The following ZNF654 variants were observed in gnomAD, a reference collection of about 807,000 sequenced individuals.
ZNF654 encodes the protein zinc finger protein 654.
In ZNF654, 19 loss-of-function variants were observed where a neutral mutation model predicts 95.3. The observed-to-expected ratio is 0.20, with a 90% confidence interval of 0.14 to 0.29. ZNF654 has a LOEUF of 0.29. ZNF654 is among the 10% of genes least tolerant of loss of function. The probability of loss-of-function intolerance (pLI) is 1.00; values close to 1 mark genes in which losing one functional copy is unlikely to be tolerated. For missense variants in ZNF654, 1,046 were observed against 1,341.0 expected (o/e 0.78, Z 3.44); for synonymous variants, 413 against 457.9 (o/e 0.90, Z 1.25).
intron 6 of ZNF654, 52 bp downstream of exon 6, chr3:88,129,878 G>C (rs1305140941): frequency 1.2e-5 from 16 of 1,320,894 alleles, no homozygotes; most frequent in Non-Finnish European, 1.3e-5. Flanking sequence ...CAACAGAAAG[G>C]AAATTGCAGT....
At chr3:88,085,141 T>G (rs1708274338) in intron 1 of ZNF654, among the ~76,000 whole-genome samples, 1 of 152,248 alleles carries the variant, frequency 6.6e-6, no homozygotes, top group Middle Eastern at 3.2e-3. Flanking sequence ...AAGTGATTAG[T>G]GTGAAAAGTC....
intron 3 of ZNF654, among the ~76,000 whole-genome samples, chr3:88,120,340 G>C (rs1181802453): frequency 1.3e-5 from 2 of 152,128 alleles, no homozygotes; most frequent in Non-Finnish European, 2.9e-5. Flanking sequence ...CAAAAGAACA[G>C]GTTTAAATGT....
intron 6 of ZNF654, among the ~76,000 whole-genome samples, chr3:88,130,792 C>CA (rs1356059490): frequency 1.3e-5 from 2 of 151,774 alleles, no homozygotes; most frequent in African/African-American, 2.4e-5. Context: ...TCTTCAAACT[C>CA]AGAGATAAGA....
At chr3:88,118,334 GCTCAACGCTAT>G (rs1705539284) in intron 3 of ZNF654, among the ~76,000 whole-genome samples, 1 of 150,576 alleles carries the variant, frequency 6.6e-6, no homozygotes, top group Admixed American at 6.6e-5. Context: ...CAAGCAGGAG[GCTCAACGCTAT>G]CTCACTGCGT....
intron 6 of ZNF654, among the ~76,000 whole-genome samples, chr3:88,131,324 A>G (rs1314321518): frequency 6.6e-6 from 1 of 152,212 alleles, no homozygotes; most frequent in Admixed American, 6.6e-5. Flanking sequence ...GTATAACTGT[A>G]GTTTTTGAAG....
rs527524200 is a variant in ZNF654 at position 88,141,787 on chromosome 3, A to G, written c.*135A>G. On this transcript the variant is annotated 3_prime_UTR_variant, in exon 9 of 9. Coordinates refer to ENST00000636215, the MANE Select transcript of ZNF654 (RefSeq NM_001350134.2). ...TCTTGGATTACTAAAGATAAAGACA[A>G]AGCACATTTTCTAGAATGAACTCAC... 1.7e-6 allele frequency: 1 copy of G among 605,060 alleles called. No individual in the cohort carries two copies. Among genetic ancestry groups the G allele is most frequent in the Non-Finnish European group, 2.6e-6 (1 of 380,996 alleles). 37.5% of individuals were successfully genotyped at this position (605,060 alleles called of 1,614,324 possible). A position where few individuals can be genotyped will look rare whatever the true frequency, so the allele number is the denominator to read the frequency against.
At position 88,142,476 on chromosome 3, in the gene ZNF654, A is replaced by T. The variant is rs115782430; in HGVS notation, c.*824A>T. On this transcript the variant is annotated 3_prime_UTR_variant, in exon 9 of 9. Coordinates refer to ENST00000636215, the MANE Select transcript of ZNF654 (RefSeq NM_001350134.2). ...ACTTTACAGGCTTTGTAGTTGAAGG[A>T]AAACACTGAATTGCAAATTATTCAA... The T allele has an allele frequency of 9.8e-5, 15 of 152,482 alleles. No homozygotes were observed. Among genetic ancestry groups the T allele is most frequent in the African/African-American group, 3.6e-4 (15 of 41,548 alleles). The allele number at this position is 152,482 out of a possible 1,614,324, so 9.4% of individuals were successfully genotyped here.
chr3:88,141,500 G>C, intron 8 of ZNF654, 145 bp from the exon 9 acceptor site: 1 of 533,092 alleles, frequency 1.9e-6, no homozygotes, highest in South Asian at 7.8e-5. Context: ...AAATAATTGA[G>C]AAACAAAATC....
At chr3:88,124,288 G>C (rs754273082) in intron 3 of ZNF654, among the ~76,000 whole-genome samples, 1 of 152,200 alleles carries the variant, frequency 6.6e-6, no homozygotes, top group Non-Finnish European at 1.5e-5. Context: ...GACTGATAGA[G>C]CAGAGAGGTT....
intron 2 of ZNF654, among the ~76,000 whole-genome samples, chr3:88,107,637 TCC>T (rs1704825465): frequency 6.6e-6 from 1 of 152,158 alleles, no homozygotes; most frequent in Non-Finnish European, 1.5e-5. Flanking sequence ...ACCTCTGTGT[TCC>T]TTAACTCTTG....
intron 1 of ZNF654, among the ~76,000 whole-genome samples, chr3:88,065,406 G>A (rs1707139793): frequency 6.6e-6 from 1 of 151,952 alleles, no homozygotes; most frequent in Non-Finnish European, 1.5e-5. Context: ...TATTATTAGG[G>A]GAGTTAGTAC....
rs1275273944 is a variant in ZNF654 at position 88,129,755 on chromosome 3, T to C, written c.822T>C (p.Thr274=). The C allele has an allele frequency of 6.5e-7, 1 of 1,528,834 alleles. No homozygotes were observed. Among genetic ancestry groups the C allele is most frequent in the South Asian group, 1.2e-5 (1 of 83,094 alleles). The allele number at this position is 1,528,834 out of a possible 1,614,324, so 94.7% of individuals were successfully genotyped here. The change falls in exon 6 of 9, where the codon ACT becomes ACC. Residue 274 remains threonine, a synonymous_variant. Transcript: ENST00000636215. The part of the protein sequence containing the change: ...IICNAEKEGK[T]MLALQLCESF... ...GTAATGCTGAAAAAGAAGGCAAAAC[T>C]ATGTTAGCCTTGCAACTCTGTGAAT...
chr3:88,065,404 G>A (rs1277866041), intron 1 of ZNF654, among the ~76,000 whole-genome samples: 3 of 151,988 alleles, frequency 2.0e-5, no homozygotes, highest in Admixed American at 2.0e-4. Context: ...ACTATTATTA[G>A]GGGAGTTAGT....
intron 2 of ZNF654, among the ~76,000 whole-genome samples, chr3:88,106,480 CAT>C (rs1370592631): frequency 3.9e-5 from 6 of 151,968 alleles, no homozygotes; most frequent in South Asian, 4.2e-4. Flanking sequence ...TGAGATTACA[CAT>C]GTGTGCAGCC....
At chr3:88,069,128 A>C (rs1004272663) in intron 1 of ZNF654, among the ~76,000 whole-genome samples, 7 of 92,574 alleles carry the variant, frequency 7.6e-5, no homozygotes, top group Non-Finnish European at 1.7e-4. Context: ...TCCCCATCAG[A>C]AGTGATTCTC....
chr3:88,118,318 A>G (rs2107788430), intron 3 of ZNF654, among the ~76,000 whole-genome samples: 1 of 152,202 alleles, frequency 6.6e-6, no homozygotes, highest in East Asian at 1.9e-4. Context: ...ATGGGATATC[A>G]TGTCCCAAGC....
At chr3:88,092,597 C>T (rs867219011) in intron 2 of ZNF654, among the ~76,000 whole-genome samples, 8 of 152,036 alleles carry the variant, frequency 5.3e-5, no homozygotes, top group Admixed American at 2.0e-4. Context: ...TAACAGATTT[C>T]AATATATTTA....
chr3:88,092,097 T>A (rs78603883), intron 2 of ZNF654, among the ~76,000 whole-genome samples: 2,020 of 152,322 alleles, frequency 0.013, 37 homozygotes, highest in African/African-American at 0.045. Context: ...TTTGCATTAT[T>A]TGTATTTACT....
At chr3:88,134,057 G>C (rs1276248114) in intron 6 of ZNF654, among the ~76,000 whole-genome samples, 3 of 151,658 alleles carry the variant, frequency 2.0e-5, no homozygotes, top group Non-Finnish European at 4.4e-5. Context: ...CTAGAGATGT[G>C]GTAGGAAGGT....
Sources: allele counts gnomAD v4.1 joint callset (sites outside exome capture counted in the v4.1 genomes callset), GRCh38; gene constraint gnomAD v4.1.1; transcripts MANE v1.5; gene names NCBI Gene and HGNC (gene_info 2026-07-23, HGNC 2026-07-21).